ZNF626: variants seen among roughly 807,000 people sequenced by gnomAD.
ZNF626 encodes zinc finger protein 626.
A neutral mutation model predicts 11.7 loss-of-function variants in ZNF626; 4 were observed. The ratio of observed to expected loss-of-function variants is 0.34; its 90% CI spans 0.17 to 0.78. ZNF626 has a LOEUF of 0.78. Among genes scored for constraint, ZNF626 ranks in the 30% least tolerant of loss-of-function variants. The probability of loss-of-function intolerance (pLI) is 0.57; values close to 1 mark genes in which losing one functional copy is unlikely to be tolerated. For missense variants in ZNF626, 588 were observed against 587.1 expected, an observed-to-expected ratio of 1.00 and a Z score of -0.01; for synonymous variants, 179 against 198.6, an observed-to-expected ratio of 0.90 and a Z score of 0.83.
At position 20,661,512 on chromosome 19, in the gene ZNF626, C is replaced by T. The variant is rs1333442168; in HGVS notation, c.-66G>A. The T allele has an allele frequency of 6.3e-7, 1 of 1,581,660 alleles. No homozygotes were observed. The highest frequency in any genetic ancestry group is 2.3e-5 in the East Asian group (1 of 44,316). On this transcript the variant is annotated 5_prime_UTR_variant, in exon 1 of 4. Coordinates refer to ENST00000601440, the MANE Select transcript of ZNF626 (RefSeq NM_001076675.3). ...TCCCAATACCTGCAGGACACGGGGC[C>T]ACACAGCCTGGGCCTTTAGGAGAAG...
At chr19:20,658,084 A>C (rs1970224367) in intron 1 of ZNF626, among the ~76,000 whole-genome samples, 1 of 151,696 alleles carries the variant, frequency 6.6e-6, no homozygotes, top group African/African-American at 2.4e-5. Context: ...ACATGTGTAC[A>C]CCCAACCAAA....
rs886166627 is a variant in ZNF626 at position 20,661,546 on chromosome 19, C to G, written c.-100G>C. On this transcript the variant is annotated 5_prime_UTR_variant, in exon 1 of 4. Transcript: ENST00000601440. ...TGGGCCTTTAGGAGAAGAACCAGACCTGGAGCTCTGACTGCAGCGAGAGAC... is the reference window on the plus strand; with the variant it reads ...TGGGCCTTTAGGAGAAGAACCAGACGTGGAGCTCTGACTGCAGCGAGAGAC... The G allele has an allele frequency of 6.3e-6, 8 of 1,278,858 alleles. No individual in the cohort carries two copies. In the African/African-American group the frequency reaches 1.2e-4, roughly 19 times the overall value. 79.2% of individuals were successfully genotyped at this position (1,278,858 alleles called of 1,614,324 possible).
chr19:20,651,926 C>CT (rs572569447), intron 1 of ZNF626, among the ~76,000 whole-genome samples: 56 of 151,384 alleles, frequency 3.7e-4, no homozygotes, highest in East Asian at 7.8e-4. Context: ...TCTTAAGATG[C>CT]TTTTTTTTTA....
At chr19:20,639,154 T>TGG (rs1555771179) in intron 3 of ZNF626, among the ~76,000 whole-genome samples, 2 of 152,160 alleles carry the variant, frequency 1.3e-5, no homozygotes, top group East Asian at 3.9e-4. Flanking sequence ...AGGAACCTAC[T>TGG]CTCATTTGAA....
chr19:20,650,246 T>TAAAAA (rs74172355), intron 1 of ZNF626, among the ~76,000 whole-genome samples: 2,160 of 144,844 alleles, frequency 0.015, 23 homozygotes, highest in East Asian at 0.023. Flanking sequence ...TCAAATTTGT[T>TAAAAA]AAAAAAAAAA....
intron 3 of ZNF626, among the ~76,000 whole-genome samples, chr19:20,632,812 G>C (rs1461309583): frequency 6.6e-6 from 1 of 152,170 alleles, no homozygotes; most frequent in Non-Finnish European, 1.5e-5. Flanking sequence ...GTCCAGCTTT[G>C]TTCTGTTCCT....
chr19:20,656,323 A>G (rs975659949), intron 1 of ZNF626, among the ~76,000 whole-genome samples: 6 of 152,156 alleles, frequency 3.9e-5, no homozygotes, highest in Non-Finnish European at 8.8e-5. Flanking sequence ...AAAACTTAAA[A>G]TTATAAGAAA....
Position 20,620,897 on chromosome 19 carries a change from T to C in ZNF626, c.*3393A>G, listed in dbSNP as rs1329631731. On this transcript the variant is annotated 3_prime_UTR_variant, in exon 4 of 4. Transcript: ENST00000601440. ...CTCTGTTGCCCAGGCTGGAGTGCAG[T>C]GGCACGATCTCGGCTCACTGCAACC... 4 of 152,010 alleles carry C rather than the reference T, an allele frequency of 2.6e-5. No homozygotes were observed. The highest frequency in any genetic ancestry group is 5.9e-5 in the Non-Finnish European group (4 of 68,354). 9.4% of individuals were successfully genotyped at this position (152,010 alleles called of 1,614,324 possible).
intron 3 of ZNF626, among the ~76,000 whole-genome samples, chr19:20,636,902 T>G (rs553403718): frequency 6.6e-6 from 1 of 151,418 alleles, no homozygotes; most frequent in South Asian, 2.1e-4. Context: ...ATTCCTGTTG[T>G]CCCAGCTACT....
chr19:20,648,936 A>G (rs1970115618), intron 1 of ZNF626, among the ~76,000 whole-genome samples: 1 of 152,240 alleles, frequency 6.6e-6, no homozygotes, highest in African/African-American at 2.4e-5. Context: ...TAGGAAAGAA[A>G]TATTTTTCAG....
chr19:20,630,358 C>G (rs1316064909), intron 3 of ZNF626, among the ~76,000 whole-genome samples: 4 of 152,116 alleles, frequency 2.6e-5, no homozygotes, highest in African/African-American at 9.7e-5. Flanking sequence ...GGAATGGTAC[C>G]AGCTCCTCTT....
intron 3 of ZNF626, among the ~76,000 whole-genome samples, chr19:20,633,564 C>G (rs373301483): frequency 2.2e-4 from 34 of 152,322 alleles, no homozygotes; most frequent in African/African-American, 7.9e-4. Context: ...ATGAGTGAGA[C>G]TCCATTGGCG....
Position 20,623,841 on chromosome 19 carries a change from C to A in ZNF626, c.*449G>T, listed in dbSNP as rs1969785105. Reference sequence around the variant, plus strand: ...AAGACAGAACTTGTTATATGCTTTGCCACATTCTTCACACTTGTAGGGTTT... The same window carrying A: ...AAGACAGAACTTGTTATATGCTTTGACACATTCTTCACACTTGTAGGGTTT... On this transcript the variant is annotated 3_prime_UTR_variant, in exon 4 of 4. Coordinates refer to ENST00000601440, the MANE Select transcript of ZNF626 (RefSeq NM_001076675.3). 2 of 300,898 alleles carry A rather than the reference C, an allele frequency of 6.6e-6. No individual in the cohort carries two copies. The highest frequency in any genetic ancestry group is 2.2e-5 in the African/African-American group (1 of 44,646). The allele number at this position is 300,898 out of a possible 1,614,324, so 18.6% of individuals were successfully genotyped here.
intron 2 of ZNF626, 42 bp from the exon 3 acceptor site, chr19:20,645,821 C>T (rs370242739): frequency 2.3e-4 from 345 of 1,487,838 alleles, no homozygotes; most frequent in Admixed American, 3.0e-4. Flanking sequence ...TGCTTATGTT[C>T]TCCAATTACA....
At chr19:20,648,039 T>C (rs1207301539) in intron 1 of ZNF626, among the ~76,000 whole-genome samples, 1 of 151,288 alleles carries the variant, frequency 6.6e-6, no homozygotes, top group Non-Finnish European at 1.5e-5. Flanking sequence ...ATTAGCCGGG[T>C]GTTGTGGCAA....
At chr19:20,632,050 C>G (rs561948062) in intron 3 of ZNF626, among the ~76,000 whole-genome samples, 1 of 152,220 alleles carries the variant, frequency 6.6e-6, no homozygotes, top group African/African-American at 2.4e-5. Flanking sequence ...ACTTATGCAG[C>G]TTAGTTTGGC....
In ZNF626 at chr19:20,620,344, A is replaced by G. The variant is rs1969743052; in HGVS notation, c.*3946T>C. On this transcript the variant is annotated 3_prime_UTR_variant, in exon 4 of 4. Transcript: ENST00000601440. ...ACCTAAAAACTTATTTTGTTCCAAT[A>G]ATTGCGTTTTCTTCTGAAAATATGT... The G allele has an allele frequency of 6.6e-6, 1 of 152,144 alleles. No homozygotes were observed. The highest frequency in any genetic ancestry group is 6.5e-5 in the Admixed American group (1 of 15,272). The allele number at this position is 152,144 out of a possible 1,614,324, so 9.4% of individuals were successfully genotyped here. A position where few individuals can be genotyped will look rare whatever the true frequency, so the allele number is the denominator to read the frequency against.
chr19:20,627,447 CAAAAG>C (rs1275127740), intron 3 of ZNF626, among the ~76,000 whole-genome samples: 1 of 150,588 alleles, frequency 6.6e-6, no homozygotes, highest in Non-Finnish European at 1.5e-5. Context: ...TATGGATACA[CAAAAG>C]AAAATTTAAA....
In ZNF626 at chr19:20,625,111, GT is replaced by G; in HGVS notation, c.765del (p.Lys255AsnfsTer23). On this transcript the variant is annotated frameshift_variant, in exon 4 of 4. Coordinates refer to ENST00000601440, the MANE Select transcript of ZNF626 (RefSeq NM_001076675.3). LOFTEE classifies it low-confidence loss of function (END_TRUNC). ...TTHKRNHTGE[K>X]PYKCDKCGKA... ...TTGCCACATTTATCACACTTGTAGG[GT>G]TTCTCTCCAGTATGATTTCTCTTAT... 1 of 1,613,050 alleles carries G rather than the reference GT, an allele frequency of 6.2e-7. No individual in the cohort carries two copies. The highest frequency in any genetic ancestry group is 8.5e-7 in the Non-Finnish European group (1 of 1,179,752).
Sources: allele counts gnomAD v4.1 joint callset (sites outside exome capture counted in the v4.1 genomes callset), GRCh38; gene constraint gnomAD v4.1.1; transcripts MANE v1.5; gene names NCBI Gene and HGNC (gene_info 2026-07-23, HGNC 2026-07-21).